The following DIP2C variants were observed in gnomAD, a reference collection of about 807,000 sequenced individuals.
DIP2C encodes the protein disco-interacting protein 2 homolog C.
A neutral mutation model predicts 192.4 loss-of-function variants in DIP2C; 33 were observed. The observed-to-expected ratio is 0.17, with a 90% CI of 0.13 to 0.23. The LOEUF is 0.23. Ranked by LOEUF, DIP2C falls within the 10% of genes least tolerant of loss-of-function variation. DIP2C has a pLI of 1.00. For synonymous variants in DIP2C, 979 were observed against 864.1 expected, an observed-to-expected ratio of 1.13 and a Z score of -2.33; for missense variants, 1,537 against 2,110.1, an observed-to-expected ratio of 0.73 and a Z score of 5.32.
At chr10:572,854 A>T (rs1849912138) in intron 1 of DIP2C, among the ~76,000 whole-genome samples, 1 of 152,036 alleles carries the variant, frequency 6.6e-6, no homozygotes, top group Admixed American at 6.6e-5. Context: ...AGGAAACTGC[A>T]CTCTCCAGTA....
rs965451807 is a variant in DIP2C, at chr10:636,496, C to A, written c.85+52998G>T. On this transcript the variant is annotated intron_variant, in intron 1 of 36. Transcript: ENST00000280886. This position sits in a 1 kb window ranked among gnomAD's most constrained non-coding sequence, Gnocchi z 4.6. ...TGAAGGTGACAGGCTCCTGCCACCT[C>A]GCCGAGTCCTCACGCACGCGTTCCC... Among the ~76,000 whole-genome samples, 1 of 152,156 alleles carries A rather than the reference C, an allele frequency of 6.6e-6. No homozygotes were observed. The highest frequency in any genetic ancestry group is 2.1e-4 in the South Asian group (1 of 4,828).
chr10:414,713 G>GTATGTA, intron 7 of DIP2C, among the ~76,000 whole-genome samples: 1 of 69,440 alleles, frequency 1.4e-5, no homozygotes. Flanking sequence ...ATGTATGTGT[G>GTATGTA]TGTGTGTGTG....
chr10:331,435 G>T (rs930507341), intron 29 of DIP2C, among the ~76,000 whole-genome samples: 17 of 152,136 alleles, frequency 1.1e-4, no homozygotes, highest in Non-Finnish European at 2.5e-4. Context: ...ATAGCCCTCT[G>T]TGTCTGTGGG....
At chr10:352,627 C>T (rs190334246) in intron 24 of DIP2C, among the ~76,000 whole-genome samples, 5 of 152,330 alleles carry the variant, frequency 3.3e-5, no homozygotes, top group African/African-American at 7.2e-5. Context: ...CCATGGGTCA[C>T]ACCAGGTGGG....
At chr10:569,581 C>T (rs1849655872) in intron 1 of DIP2C, among the ~76,000 whole-genome samples, 1 of 151,516 alleles carries the variant, frequency 6.6e-6, no homozygotes, top group Non-Finnish European at 1.5e-5. Flanking sequence ...TTAAATGATA[C>T]TCATTTGTTT....
intron 32 of DIP2C, among the ~76,000 whole-genome samples, chr10:306,989 G>A (rs754147830): frequency 4.6e-5 from 7 of 152,120 alleles, no homozygotes; most frequent in Non-Finnish European, 1.0e-4. Flanking sequence ...CCTTCCCTGG[G>A]GGTGAGCAGG....
At chr10:415,061 T>C (rs990916038) in intron 7 of DIP2C, among the ~76,000 whole-genome samples, 1 of 151,830 alleles carries the variant, frequency 6.6e-6, no homozygotes, top group African/African-American at 2.4e-5. Context: ...CATTTAAATC[T>C]GCTACAAGTA....
intron 6 of DIP2C, among the ~76,000 whole-genome samples, chr10:418,183 A>G (rs75062752): frequency 1.6e-4 from 6 of 36,572 alleles, no homozygotes; most frequent in Non-Finnish European, 2.8e-4. Flanking sequence ...GTCCACCTGC[A>G]CCTGTCAGGG....
At chr10:607,053 T>G (rs968224487) in intron 1 of DIP2C, among the ~76,000 whole-genome samples, 2 of 152,314 alleles carry the variant, frequency 1.3e-5, no homozygotes, top group African/African-American at 2.4e-5. Context: ...CCCGTGGCCC[T>G]TAACGTCCGT....
chr10:392,306 G>A (rs566364754), intron 10 of DIP2C, among the ~76,000 whole-genome samples: 8 of 152,326 alleles, frequency 5.3e-5, no homozygotes, highest in South Asian at 2.1e-4. Context: ...GTCACAAGAC[G>A]GAGGAACGGC....
chr10:300,781 A>G (rs1461566694), intron 32 of DIP2C, among the ~76,000 whole-genome samples: 1 of 142,756 alleles, frequency 7.0e-6, no homozygotes, highest in Non-Finnish European at 1.5e-5. Context: ...GGCGGCCCTG[A>G]GCGTGTGGAG....
At chr10:595,961 A>G (rs1851676609) in intron 1 of DIP2C, among the ~76,000 whole-genome samples, 1 of 152,138 alleles carries the variant, frequency 6.6e-6, no homozygotes, top group Admixed American at 6.5e-5. Context: ...GCCGACAAAG[A>G]GTGGACACTG....
intron 1 of DIP2C, among the ~76,000 whole-genome samples, chr10:533,917 T>G (rs1847554278): frequency 6.6e-6 from 1 of 151,868 alleles, no homozygotes; most frequent in African/African-American, 2.4e-5. Context: ...AAGCATTCTC[T>G]CCTGCAGGTA....
chr10:437,023 TCTCC>T (rs1260488375), intron 4 of DIP2C, among the ~76,000 whole-genome samples: 17 of 132,686 alleles, frequency 1.3e-4, no homozygotes, highest in Middle Eastern at 4.9e-3. Flanking sequence ...ACCTGAGCTC[TCTCC>T]GAGCTCCGCC....
chr10:519,848 T>C (rs979396080), intron 1 of DIP2C, among the ~76,000 whole-genome samples: 4 of 152,336 alleles, frequency 2.6e-5, no homozygotes, highest in African/African-American at 4.8e-5. Flanking sequence ...GCTCCTCTAC[T>C]TGTTGCCATT....
intron 1 of DIP2C, among the ~76,000 whole-genome samples, chr10:511,297 C>A (rs1041182124): frequency 6.6e-6 from 1 of 152,208 alleles, no homozygotes; most frequent in Non-Finnish European, 1.5e-5. Flanking sequence ...CAAGGGGAAG[C>A]GGCCTCTTCA....
intron 22 of DIP2C, among the ~76,000 whole-genome samples, chr10:358,906 A>C (rs975634597): frequency 6.6e-6 from 1 of 151,792 alleles, no homozygotes; most frequent in South Asian, 2.1e-4. Flanking sequence ...ATTGCAGGTA[A>C]AATAACAATG....
intron 1 of DIP2C, among the ~76,000 whole-genome samples, chr10:501,339 G>A (rs954854227): frequency 2.0e-5 from 3 of 151,974 alleles, no homozygotes; most frequent in African/African-American, 4.8e-5. Context: ...TTATTTAGAA[G>A]GCAAATAAAG....
At chr10:466,151 A>C (rs1307130211) in intron 3 of DIP2C, among the ~76,000 whole-genome samples, 1 of 151,180 alleles carries the variant, frequency 6.6e-6, no homozygotes, top group Non-Finnish European at 1.5e-5. Flanking sequence ...CTACAAAGCT[A>C]CAGTAACCAA....
Sources: gnomAD v4.1 joint callset for allele counts (sites outside exome capture counted in the v4.1 genomes callset) on GRCh38, gnomAD v4.1.1 for gene constraint, Gnocchi (gnomAD v3.1) non-coding constraint, MANE v1.5 for transcripts, NCBI Gene and HGNC (gene_info 2026-07-23, HGNC 2026-07-21) for gene names.